Variants in CDH18 observed in about 807,000 individuals in gnomAD.
The protein encoded by CDH18 is cadherin 18, also known as cadherin-18.
CDH18 carries 31 observed loss-of-function variants against 67.9 expected under a neutral mutation model. That is an observed-to-expected ratio of 0.46 (90% CI 0.34 to 0.62). The LOEUF (loss-of-function observed/expected upper bound fraction) is 0.62, where lower values mean the gene tolerates loss of function less well. CDH18 is among the 20% of genes least tolerant of loss of function. The probability of loss-of-function intolerance (pLI) is 0.01; values close to 1 mark genes in which losing one functional copy is unlikely to be tolerated. For missense variants in CDH18, 890 were observed against 975.5 expected (o/e 0.91, Z 1.17); for synonymous variants, 362 against 347.2 (o/e 1.04, Z -0.48).
rs145321460 is a variant in CDH18 at position 19,559,621 on chromosome 5, T to C, written c.1253+11958A>G. Among the ~76,000 whole-genome samples, 3 of 152,114 alleles carry C rather than the reference T, an allele frequency of 2.0e-5. No homozygotes were observed. The East Asian group carries it at 5.8e-4, about 29-fold the overall frequency. ...ATTGGAACAAGTCAAGGATGTTTAC[T>C]CTTAACACTTCTCTTCAAGTAGCAG... On this transcript the variant is annotated intron_variant, in intron 8 of 12. Transcript: ENST00000382275.
intron 1 of CDH18, among the ~76,000 whole-genome samples, chr5:20,410,753 G>A (rs181539379): frequency 6.6e-6 from 1 of 151,660 alleles, no homozygotes; most frequent in South Asian, 2.1e-4. Context: ...ATGTAGAAAC[G>A]TTAAAGTCTC....
chr5:20,234,801 G>A (rs1742348760), intron 2 of CDH18, among the ~76,000 whole-genome samples: 1 of 152,072 alleles, frequency 6.6e-6, no homozygotes, highest in African/African-American at 2.4e-5. Flanking sequence ...ACAGGGATGG[G>A]CATGGGGACA....
In CDH18 at chr5:19,668,821, G is replaced by C. The variant is rs1175563958; in HGVS notation, c.643+52526C>G. Among the ~76,000 whole-genome samples, 6 of 151,964 alleles carry C rather than the reference G, an allele frequency of 3.9e-5. No individual in the cohort carries two copies. In the Admixed American group the frequency reaches 3.9e-4, roughly 10 times the overall value. ...TACTAGTGCAAGCATGTATATCCTT[G>C]TGTTAACACTTCATCCACAGAAACA... On this transcript the variant is annotated intron_variant, in intron 5 of 12. Transcript: ENST00000382275.
chr5:20,039,517 CA>C (rs1740211986), intron 2 of CDH18, among the ~76,000 whole-genome samples: 3 of 151,876 alleles, frequency 2.0e-5, no homozygotes, highest in South Asian at 4.2e-4. Flanking sequence ...CAATGCAACA[CA>C]ACAGAGGCCT....
chr5:20,479,913 GA>G, intron 1 of CDH18, among the ~76,000 whole-genome samples: 1 of 152,210 alleles, frequency 6.6e-6, no homozygotes, highest in Non-Finnish European at 1.5e-5. Context: ...AACATACAAA[GA>G]AGATCTCATG....
intron 1 of CDH18, among the ~76,000 whole-genome samples, chr5:20,428,635 T>G (rs1034016947): frequency 1.3e-5 from 2 of 152,208 alleles, no homozygotes; most frequent in Non-Finnish European, 2.9e-5. Flanking sequence ...TAATTGCCAT[T>G]TTAACTGGCG....
chr5:19,685,145 T>C (rs1760898610), intron 5 of CDH18, among the ~76,000 whole-genome samples: 1 of 152,192 alleles, frequency 6.6e-6, no homozygotes, highest in Non-Finnish European at 1.5e-5. Context: ...AGCAGATATT[T>C]ATACTACGAT....
intron 2 of CDH18, among the ~76,000 whole-genome samples, chr5:20,231,192 A>G (rs1043010581): frequency 6.6e-6 from 1 of 152,238 alleles, no homozygotes; most frequent in Non-Finnish European, 1.5e-5. Flanking sequence ...GCTTTGCAAC[A>G]TTTAAAATAT....
At chr5:19,584,727 C>T (rs1250622439) in intron 7 of CDH18, among the ~76,000 whole-genome samples, 2 of 125,542 alleles carry the variant, frequency 1.6e-5, no homozygotes. Context: ...GCTGGCAGAT[C>T]GTTTGGGCTC....
At chr5:20,119,437 CT>C (rs1748175834) in intron 2 of CDH18, among the ~76,000 whole-genome samples, 1 of 152,038 alleles carries the variant, frequency 6.6e-6, no homozygotes, top group Non-Finnish European at 1.5e-5. Flanking sequence ...TATTTTTAAG[CT>C]TTATTTGCAG....
chr5:19,791,526 T>C (rs1476276905), intron 3 of CDH18, among the ~76,000 whole-genome samples: 1 of 152,166 alleles, frequency 6.6e-6, no homozygotes, highest in African/African-American at 2.4e-5. Flanking sequence ...TCTGGAAATA[T>C]CTTTCCTTTA....
At chr5:20,538,963 A>G (rs1756897138) in intron 1 of CDH18, among the ~76,000 whole-genome samples, 1 of 129,592 alleles carries the variant, frequency 7.7e-6, no homozygotes, top group African/African-American at 2.9e-5. Flanking sequence ...ATCTCAGCTC[A>G]CTGCAACATC....
At chr5:19,826,348 G>T (rs140379248) in intron 3 of CDH18, among the ~76,000 whole-genome samples, 1 of 152,186 alleles carries the variant, frequency 6.6e-6, no homozygotes, top group African/African-American at 2.4e-5. Context: ...TTGCTAAGGA[G>T]GCCAACACTC....
chr5:20,555,144 A>C (rs1190533615), intron 1 of CDH18, among the ~76,000 whole-genome samples: 3 of 152,196 alleles, frequency 2.0e-5, no homozygotes, highest in African/African-American at 7.2e-5. Context: ...TTTCCTTAAA[A>C]GAAAAGGAAG....
At chr5:19,723,534 A>G (rs1766388677) in intron 4 of CDH18, among the ~76,000 whole-genome samples, 1 of 152,112 alleles carries the variant, frequency 6.6e-6, no homozygotes, top group Admixed American at 6.5e-5. Flanking sequence ...TCTAAAAGAG[A>G]TTTCAAATTA....
At chr5:20,142,789 T>G (rs1314150883) in intron 2 of CDH18, among the ~76,000 whole-genome samples, 1 of 152,096 alleles carries the variant, frequency 6.6e-6, no homozygotes, top group Non-Finnish European at 1.5e-5. Context: ...CAGACTCTTT[T>G]CCCCGGCTCT....
rs975271218 is a variant in CDH18 at position 20,441,059 on chromosome 5, G to A, written c.-580+134403C>T. Among the ~76,000 whole-genome samples, 7 of 151,834 alleles carry A rather than the reference G, an allele frequency of 4.6e-5. 1 individual carries two copies. The highest frequency in any genetic ancestry group is 7.4e-5 in the Non-Finnish European group (5 of 68,008). Reference sequence around the variant, plus strand: ...GCCTATCATAAGATTTCACCATGCCGAGCTTATGAGTCTGGATAATGGGAA... The same window carrying A: ...GCCTATCATAAGATTTCACCATGCCAAGCTTATGAGTCTGGATAATGGGAA... On this transcript the variant is annotated intron_variant, in intron 1 of 14. Coordinates refer to the CDH18 transcript ENST00000507958.
intron 2 of CDH18, among the ~76,000 whole-genome samples, chr5:19,979,591 A>G (rs1418508878): frequency 6.6e-6 from 1 of 152,176 alleles, no homozygotes; most frequent in Non-Finnish European, 1.5e-5. Context: ...ACAACATTTT[A>G]AAAGAATTAG....
intron 2 of CDH18, among the ~76,000 whole-genome samples, chr5:20,063,563 T>C (rs993531395): frequency 1.3e-5 from 2 of 152,250 alleles, no homozygotes; most frequent in African/African-American, 4.8e-5. Flanking sequence ...CACATTTTGC[T>C]AGTAAGCAAT....
Sources: gnomAD v4.1 joint callset for allele counts (sites outside exome capture counted in the v4.1 genomes callset) on GRCh38, gnomAD v4.1.1 for gene constraint, MANE v1.5 for transcripts, NCBI Gene and HGNC (gene_info 2026-07-23, HGNC 2026-07-21) for gene names.